KIAA1328: variants seen among roughly 807,000 people sequenced by gnomAD.
KIAA1328 encodes KIAA1328.
In KIAA1328, 52 loss-of-function variants were observed where a neutral mutation model predicts 68.1. That is an observed-to-expected ratio of 0.76 (90% CI 0.61 to 0.96). The LOEUF is 0.96. KIAA1328 is among the 40% of genes least tolerant of loss of function. The pLI is 0.00. For synonymous variants in KIAA1328, 232 were observed against 239.4 expected, an observed-to-expected ratio of 0.97 and a Z score of 0.28; for missense variants, 641 against 677.6, an observed-to-expected ratio of 0.95 and a Z score of 0.60.
chr18:37,069,094 A>G (rs949556481), intron 7 of KIAA1328, among the ~76,000 whole-genome samples: 2 of 152,154 alleles, frequency 1.3e-5, no homozygotes, highest in South Asian at 2.1e-4. Context: ...TTTTATGATC[A>G]TGTGATTTGT....
intron 7 of KIAA1328, among the ~76,000 whole-genome samples, chr18:37,091,438 A>G (rs775481675): frequency 1.3e-5 from 2 of 151,930 alleles, no homozygotes; most frequent in Non-Finnish European, 2.9e-5. Flanking sequence ...AGTGATTTCT[A>G]TTGGTCCACA....
At chr18:36,949,813 G>GT (rs774697958) in intron 5 of KIAA1328, among the ~76,000 whole-genome samples, 11 of 125,778 alleles carry the variant, frequency 8.7e-5, no homozygotes, top group Non-Finnish European at 1.8e-4. Flanking sequence ...AGAGCATTGA[G>GT]TTTTCCACTG....
intron 6 of KIAA1328, among the ~76,000 whole-genome samples, chr18:36,973,317 C>T (rs1277360949): frequency 2.0e-5 from 3 of 148,704 alleles, no homozygotes; most frequent in African/African-American, 7.4e-5. Context: ...CACACCAGGC[C>T]CTGCTGGGGG....
chr18:36,965,554 A>G (rs2051891400), intron 6 of KIAA1328, among the ~76,000 whole-genome samples: 1 of 144,124 alleles, frequency 6.9e-6, no homozygotes, highest in African/African-American at 2.5e-5. Context: ...TATTTTTAGT[A>G]GAGACGGGGT....
intron 6 of KIAA1328, chr18:37,063,605 C>A (rs1014900914): frequency 3.3e-5 from 32 of 983,500 alleles, no homozygotes; most frequent in Non-Finnish European, 3.7e-5. Flanking sequence ...TAGAATTCTG[C>A]CTATTACACA....
intron 7 of KIAA1328, among the ~76,000 whole-genome samples, chr18:37,101,487 A>C (rs1378966144): frequency 6.6e-6 from 1 of 152,236 alleles, no homozygotes; most frequent in East Asian, 1.9e-4. Context: ...AAAGGAAACG[A>C]ACGAAGCCTC....
chr18:37,179,245 A>G (rs1041668298), intron 9 of KIAA1328, among the ~76,000 whole-genome samples: 1 of 152,148 alleles, frequency 6.6e-6, no homozygotes, highest in Non-Finnish European at 1.5e-5. Context: ...TGATTTTTGT[A>G]TCTGATGAGA....
rs781035097 is a variant in KIAA1328, at chr18:37,160,390, AAC to A, written c.1414+11_1414+12del. ...ATGTAGACCCCAAAGAGGTAAGTTT[AAC>A]AACTGTAGTGGCAAAATGAGAAACT... On this transcript the variant is annotated intron_variant, in intron 8 of 9. Coordinates refer to ENST00000280020, the MANE Select transcript of KIAA1328 (RefSeq NM_020776.3). 77 of 1,607,278 alleles carry A rather than the reference AAC, an allele frequency of 4.8e-5. 1 individual carries two copies. In the Admixed American group the frequency reaches 1.0e-3, roughly 21 times the overall value.
At chr18:37,143,521 C>CTTTTTTTTTTTTTTTTTTTTTTCT (rs57046567) in intron 7 of KIAA1328, among the ~76,000 whole-genome samples, 1 of 90,778 alleles carries the variant, frequency 1.1e-5, no homozygotes, top group Non-Finnish European at 2.0e-5. Flanking sequence ...TTTTTTCTTT[C>CTTTTTTTTTTTTTTTTTTTTTTCT]TTTTTTTTTT....
intron 4 of KIAA1328, among the ~76,000 whole-genome samples, chr18:36,847,756 A>T (rs1408386996): frequency 6.6e-6 from 1 of 151,586 alleles, no homozygotes; most frequent in Non-Finnish European, 1.5e-5. Context: ...TCAGTTTATC[A>T]ATTTTTTCCT....
chr18:37,112,797 T>A (rs530794489), intron 7 of KIAA1328, among the ~76,000 whole-genome samples: 1 of 152,062 alleles, frequency 6.6e-6, no homozygotes, highest in East Asian at 1.9e-4. Context: ...GAATAAACAG[T>A]GTAGAGAAAG....
At chr18:36,969,826 A>G (rs1266489875) in intron 6 of KIAA1328, among the ~76,000 whole-genome samples, 1 of 152,188 alleles carries the variant, frequency 6.6e-6, no homozygotes, top group Non-Finnish European at 1.5e-5. Context: ...GCAGAGACAT[A>G]ACAAAAAAAA....
At chr18:37,115,728 C>A (rs2058087071) in intron 7 of KIAA1328, among the ~76,000 whole-genome samples, 1 of 152,188 alleles carries the variant, frequency 6.6e-6, no homozygotes, top group Admixed American at 6.5e-5. Context: ...CAAATTGTCC[C>A]TGTTTGCAGA....
At chr18:37,019,870 A>AT (rs1314768622) in intron 6 of KIAA1328, among the ~76,000 whole-genome samples, 2 of 152,166 alleles carry the variant, frequency 1.3e-5, no homozygotes, top group Non-Finnish European at 2.9e-5. Flanking sequence ...GCTGAAACAG[A>AT]TGAGTGGGTA....
At chr18:36,873,351 A>G (rs950926103) in intron 4 of KIAA1328, among the ~76,000 whole-genome samples, 7 of 152,216 alleles carry the variant, frequency 4.6e-5, no homozygotes, top group African/African-American at 1.7e-4. Flanking sequence ...ACATGCAATG[A>G]TTACCCTTCC....
intron 5 of KIAA1328, among the ~76,000 whole-genome samples, chr18:36,894,559 C>T (rs2048807801): frequency 6.6e-6 from 1 of 151,780 alleles, no homozygotes; most frequent in African/African-American, 2.4e-5. Context: ...AGGGTCTTAC[C>T]AGGTCATCTA....
intron 5 of KIAA1328, among the ~76,000 whole-genome samples, chr18:36,929,323 A>G (rs923541784): frequency 1.3e-5 from 2 of 152,186 alleles, no homozygotes; most frequent in African/African-American, 4.8e-5. Context: ...GAGATAGGTC[A>G]TATTTATGCT....
At chr18:37,140,989 T>C (rs2058752954) in intron 7 of KIAA1328, among the ~76,000 whole-genome samples, 1 of 152,194 alleles carries the variant, frequency 6.6e-6, no homozygotes, top group Admixed American at 6.5e-5. Flanking sequence ...GCTTTTAGTT[T>C]AGGAAATAAT....
At chr18:36,867,572 T>C (rs571664390) in intron 4 of KIAA1328, among the ~76,000 whole-genome samples, 2 of 152,342 alleles carry the variant, frequency 1.3e-5, no homozygotes, top group African/African-American at 4.8e-5. Context: ...TTTAATGGTG[T>C]GGTTGAAGTT....
Sources: allele counts gnomAD v4.1 joint callset (sites outside exome capture counted in the v4.1 genomes callset), GRCh38; gene constraint gnomAD v4.1.1; transcripts MANE v1.5; gene names NCBI Gene and HGNC (gene_info 2026-07-23, HGNC 2026-07-21).